The following KMT2E variants were observed in gnomAD, a reference collection of about 807,000 sequenced individuals.
KMT2E encodes histone reader KMT2E.
Under a neutral mutation model 184.6 loss-of-function variants are expected in KMT2E, and 30 were observed. The observed-to-expected ratio is 0.16, with a 90% CI of 0.12 to 0.22. KMT2E has a LOEUF of 0.22. Ranked by LOEUF, KMT2E falls within the 10% of genes least tolerant of loss-of-function variation. The probability of loss-of-function intolerance (pLI) is 1.00; values close to 1 mark genes in which losing one functional copy is unlikely to be tolerated. For missense variants in KMT2E, 2,023 were observed against 2,237.4 expected, an observed-to-expected ratio of 0.90 and a Z score of 1.93; for synonymous variants, 815 against 776.5, an observed-to-expected ratio of 1.05 and a Z score of -0.82.
intron 13 of KMT2E, among the ~76,000 whole-genome samples, chr7:105,086,232 G>A (rs758359930): frequency 6.6e-6 from 1 of 152,088 alleles, no homozygotes; most frequent in Non-Finnish European, 1.5e-5. Context: ...GAACATGTCT[G>A]CATGTGTGTA....
intron 1 of KMT2E, among the ~76,000 whole-genome samples, chr7:105,022,603 G>A (rs746220098): frequency 1.3e-5 from 2 of 152,058 alleles, no homozygotes; most frequent in Non-Finnish European, 2.9e-5. Context: ...GAAATACTTT[G>A]AGATTGTATA....
At position 105,057,961 on chromosome 7, in the gene KMT2E, G is replaced by A. The variant is rs1453949382; in HGVS notation, c.72-4203G>A. Among the ~76,000 whole-genome samples the A allele has an allele frequency of 2.6e-5, 4 of 152,120 alleles. No homozygotes were observed. In the East Asian group the frequency reaches 7.7e-4, roughly 29 times the overall value. ...GATGTGTTCAAATTGGGATCCGATC[G>A]AAATTCACACATTGCGTTTGCTTGA... On this transcript the variant is annotated intron_variant, in intron 3 of 26. Coordinates refer to ENST00000311117, the MANE Select transcript of KMT2E (RefSeq NM_182931.3).
intron 6 of KMT2E, 42 bp from the exon 7 acceptor site, chr7:105,073,577 T>G: frequency 8.2e-7 from 1 of 1,223,068 alleles, no homozygotes; most frequent in South Asian, 1.2e-5. Context: ...ACAGATCTGC[T>G]TCATGTATTT....
chr7:105,102,008 T>C lies in KMT2E; in HGVS notation c.2010T>C (p.Thr670=), dbSNP rs768086233. The change falls in exon 17 of 27, where the codon ACT becomes ACC. Residue 670 remains threonine (T), a synonymous_variant. Coordinates refer to ENST00000311117, the MANE Select transcript of KMT2E (RefSeq NM_182931.3). The stretch of plus-strand genomic sequence containing the variant: ...GACAGCAGCGTCGGAGACACAGAAC[T>C]GTCAGCATGTGTTCAGATATCCAGC... ...HIGQQRRRHR[T]VSMCSDIQPS... 4 of 1,613,914 alleles carry C rather than the reference T, an allele frequency of 2.5e-6. No individual in the cohort carries two copies. The highest frequency in any genetic ancestry group is 2.5e-6 in the Non-Finnish European group (3 of 1,179,842).
chr7:105,077,608 AAAAC>A lies in KMT2E; in HGVS notation c.1130+178_1130+181del, dbSNP rs1797585588. ...GATAATTTTTGAACTACGATAAACT[AAAAC>A]AACATAAAAAAATGCAAAGATATAT... is the stretch of plus-strand genomic sequence containing the variant. On this transcript the variant is annotated intron_variant, in intron 11 of 26. Transcript: ENST00000311117. The A allele has an allele frequency of 7.2e-6, 4 of 554,932 alleles. No homozygotes were observed. In the South Asian group the frequency reaches 9.8e-5, roughly 14 times the overall value. 34.4% of individuals were successfully genotyped at this position (554,932 alleles called of 1,614,324 possible). A position where few individuals can be genotyped will look rare whatever the true frequency, so the allele number is the denominator to read the frequency against.
At chr7:105,091,373 TTGC>T in intron 15 of KMT2E, 59 bp downstream of exon 15, 1 of 909,018 alleles carries the variant, frequency 1.1e-6, no homozygotes, top group Middle Eastern at 2.1e-4. Context: ...ATGGTAATTG[TTGC>T]TGCCTTTACA....
At chr7:105,046,674 G>A (rs572826594) in intron 3 of KMT2E, among the ~76,000 whole-genome samples, 42 of 152,308 alleles carry the variant, frequency 2.8e-4, no homozygotes, top group African/African-American at 9.6e-4. Context: ...AGAAGTCAGT[G>A]CCCTGGCAAT....
At chr7:105,097,992 A>G (rs749377913) in intron 15 of KMT2E, among the ~76,000 whole-genome samples, 35 of 152,172 alleles carry the variant, frequency 2.3e-4, no homozygotes, top group Non-Finnish European at 3.2e-4. Flanking sequence ...GAGTGCCATG[A>G]GTATAAATTC....
chr7:105,073,717 A>G, intron 7 of KMT2E, 40 bp downstream of exon 7: 1 of 1,213,964 alleles, frequency 8.2e-7, no homozygotes, highest in East Asian at 2.3e-5. Context: ...AATTCGTGTG[A>G]TTGAGAGAAT....
Position 105,113,064 on chromosome 7 carries a change from A to G in KMT2E, c.5308A>G (p.Thr1770Ala). The G allele has an allele frequency of 6.2e-7, 1 of 1,613,766 alleles. No individual in the cohort carries two copies. The highest frequency in any genetic ancestry group is 8.5e-7 in the Non-Finnish European group (1 of 1,179,952). ...PYPSQATHHTTLGPGPQHQPS... is the reference protein window; with the variant it reads ...PYPSQATHHTALGPGPQHQPS... ...TCCCTCACAAGCTACACATCATACC[A>G]CTTTGGGACCGGGACCCCAGCACCA... The change falls in exon 27 of 27, where the codon ACT (threonine) becomes GCT (alanine). Residue 1770 changes from threonine to alanine, a missense_variant. Physicochemically the swap from Thr to Ala is moderately conservative, Grantham distance 58 (BLOSUM62 0). This residue lies in a region of KMT2E where 1,108 missense variants were observed against 1,050.9 expected (regional missense o/e 1.05). Transcript: ENST00000311117.
intron 1 of KMT2E, among the ~76,000 whole-genome samples, chr7:105,016,792 T>C (rs935237303): frequency 9.2e-5 from 14 of 152,208 alleles, no homozygotes; most frequent in African/African-American, 3.4e-4. Context: ...TATTCCATTG[T>C]AAATATTTTA....
intron 15 of KMT2E, among the ~76,000 whole-genome samples, chr7:105,099,726 A>G (rs1306689274): frequency 2.0e-5 from 3 of 152,220 alleles, no homozygotes; most frequent in Non-Finnish European, 4.4e-5. Flanking sequence ...ATTTTTGCCA[A>G]GACAAGTTTG....
rs1798975882 is a variant in KMT2E at position 105,107,753 on chromosome 7, T to G, written c.3296T>G (p.Phe1099Cys). The G allele has an allele frequency of 1.2e-6, 2 of 1,614,100 alleles. No homozygotes were observed. The highest frequency in any genetic ancestry group is 1.7e-5 in the Admixed American group (1 of 60,024). Reference protein sequence around the residue: ...PSHQLEVGGGFRISESKCLMQ... With the variant: ...PSHQLEVGGGCRISESKCLMQ... Reference sequence around the variant, plus strand: ...CATCAGTTGGAGGTTGGAGGAGGCTTCCGAATAAGTGAGTCAAAGTGCCTG... The same window carrying G: ...CATCAGTTGGAGGTTGGAGGAGGCTGCCGAATAAGTGAGTCAAAGTGCCTG... Residue 1099 changes from phenylalanine (F) to cysteine (C), a missense_variant, in exon 22 of 27, where the codon TTC becomes TGC. Physicochemically the swap from Phe to Cys is radical, Grantham distance 205. Coordinates refer to ENST00000311117, the MANE Select transcript of KMT2E (RefSeq NM_182931.3).
chr7:105,104,393 T>C (rs1798800680), intron 17 of KMT2E: 1 of 152,188 alleles, frequency 6.6e-6, no homozygotes, highest in African/African-American at 2.4e-5. Context: ...CTTTTAAATA[T>C]ATATGTATCG....
At chr7:105,023,044 A>G (rs1194353312) in intron 1 of KMT2E, among the ~76,000 whole-genome samples, 2 of 152,204 alleles carry the variant, frequency 1.3e-5, no homozygotes, top group Admixed American at 1.3e-4. Flanking sequence ...AATCCAGAAC[A>G]CACACACAAA....
chr7:105,053,146 G>A (rs539943736), intron 3 of KMT2E, among the ~76,000 whole-genome samples: 21 of 152,096 alleles, frequency 1.4e-4, no homozygotes, highest in African/African-American at 3.6e-4. Context: ...TTTTTAAGTC[G>A]CGGTTTTGGT....
intron 17 of KMT2E, chr7:105,103,451 T>A (rs1257843702): frequency 6.6e-6 from 1 of 152,256 alleles, no homozygotes; most frequent in Non-Finnish European, 1.5e-5. Context: ...GCTTTATGTA[T>A]GTTATTGAAC....
In KMT2E at chr7:105,113,602, T is replaced by A; in HGVS notation, c.*269T>A. ...ATGCTGATTTGATGCTGTATGATCT[T>A]TTTTTTTTTTTTAGTTAAATTCATT... On this transcript the variant is annotated 3_prime_UTR_variant, in exon 27 of 27. Transcript: ENST00000311117. 1 of 161,980 alleles carries A rather than the reference T, an allele frequency of 6.2e-6. No individual in the cohort carries two copies. Among genetic ancestry groups the A allele is most frequent in the Non-Finnish European group, 9.7e-6 (1 of 103,364 alleles). The allele number at this position is 161,980 out of a possible 1,614,324, so 10.0% of individuals were successfully genotyped here. A position where few individuals can be genotyped will look rare whatever the true frequency, so the allele number is the denominator to read the frequency against.
At chr7:105,088,716 T>C (rs931677356) in intron 13 of KMT2E, among the ~76,000 whole-genome samples, 1 of 152,216 alleles carries the variant, frequency 6.6e-6, no homozygotes, top group Non-Finnish European at 1.5e-5. Context: ...TGCCGTCCTT[T>C]CCACTTACTA....
Sources: gnomAD v4.1 joint callset for allele counts (sites outside exome capture counted in the v4.1 genomes callset) on GRCh38, gnomAD v4.1.1 for gene constraint, gnomAD v4.1.1 regional missense constraint, MANE v1.5 for transcripts, NCBI Gene and HGNC (gene_info 2026-07-23, HGNC 2026-07-21) for gene names.